The following FN1 variants were observed in gnomAD, a reference collection of about 807,000 sequenced individuals.
The protein encoded by FN1 is fibronectin.
A neutral mutation model predicts 297.3 loss-of-function variants in FN1; 106 were observed. The observed-to-expected ratio is 0.36, with a 90% CI of 0.30 to 0.42. The LOEUF is 0.42. Among genes scored for constraint, FN1 ranks in the 10% least tolerant of loss-of-function variants. The pLI is 1.00. For synonymous variants in FN1, 1,149 were observed against 1,152.6 expected (o/e 1.00, Z 0.06); for missense variants, 2,690 against 3,124.9 (o/e 0.86, Z 3.32).
At chr2:215,430,908 G>A in intron 4 of FN1, 56 bp from the exon 5 acceptor site, 2 of 1,589,962 alleles carry the variant, frequency 1.3e-6, no homozygotes, top group Non-Finnish European at 8.6e-7. Context: ...AATTGTGCAA[G>A]CTCCCTGTAA....
intron 31 of FN1, among the ~76,000 whole-genome samples, chr2:215,383,020 T>G (rs1272544352): frequency 1.3e-5 from 2 of 151,326 alleles, no homozygotes; most frequent in African/African-American, 2.4e-5. Context: ...TTTTTTTCCC[T>G]GAGATGGAGT....
At position 215,409,930 on chromosome 2, in the gene FN1, A is replaced by G. The variant is rs761852573; in HGVS notation, c.2122+4T>C. 6 of 1,613,762 alleles carry G rather than the reference A, an allele frequency of 3.7e-6. No homozygotes were observed. In the Middle Eastern group the frequency reaches 6.9e-4, roughly 184 times the overall value. The stretch of plus-strand genomic sequence containing the variant: ...AGGAGGCATGAGGGTGGTTGTGTAC[A>G]TACTGGTCACAGGTGTGCTGGTGCT... On this transcript the variant is annotated splice_donor_region_variant and intron_variant, in intron 14 of 45. Transcript: ENST00000354785.
At position 215,386,568 on chromosome 2, in the gene FN1, A is replaced by ATT. The variant is rs5838504; in HGVS notation, c.4612+119_4612+120dup. On this transcript the variant is annotated intron_variant, in intron 28 of 45. Transcript: ENST00000354785. ...TCTCCATGTACCATGACAATGATCT[A>ATT]TTTTTTTTTTTTTTTTTTTTTTTTT... 726 of 337,262 alleles carry ATT rather than the reference A, an allele frequency of 2.2e-3. 44 individuals carry two copies. The African/African-American group carries it at 0.027, about 12-fold the overall frequency. 20.9% of individuals were successfully genotyped at this position (337,262 alleles called of 1,614,324 possible).
Position 215,407,150 on chromosome 2 carries a change from T to G in FN1, c.2690A>C (p.Glu897Ala), listed in dbSNP as rs911329392. 6.2e-7 allele frequency: 1 copy of G among 1,614,146 alleles called. No homozygotes were observed. Among genetic ancestry groups the G allele is most frequent in the Middle Eastern group, 1.7e-4 (1 of 6,054 alleles). ...QESTPVVIQQETTGTPRSDTV... is the reference protein window; with the variant it reads ...QESTPVVIQQATTGTPRSDTV... ...ACCTGAGCGTGGGGTGCCAGTGGTTTCTTGTTGAATGACAACAGGTGTACT... is the reference window on the plus strand; with the variant it reads ...ACCTGAGCGTGGGGTGCCAGTGGTTGCTTGTTGAATGACAACAGGTGTACT... Residue 897 changes from glutamate to alanine, a missense_variant, in exon 18 of 46, where the codon GAA becomes GCA. Physicochemically the swap from Glu to Ala is moderately radical, Grantham distance 107 (BLOSUM62 -1). Coordinates refer to ENST00000354785, the MANE Select transcript of FN1 (RefSeq NM_212482.4).
In FN1 at chr2:215,373,903, C is replaced by T. The variant is rs562172979; in HGVS notation, c.6158-492G>A. On this transcript the variant is annotated intron_variant, in intron 38 of 45. Transcript: ENST00000354785. ...TTCACCGTGTTAGCCAGGATGGTCT[C>T]GATCTCCTGACCTTGTGATCTGCCT... 1.4e-4 allele frequency among the ~76,000 whole-genome samples: 22 copies of T among 152,154 alleles called. No individual in the cohort carries two copies. In the South Asian group the frequency reaches 1.5e-3, roughly 10 times the overall value.
intron 39 of FN1, 25 bp from the exon 40 acceptor site, chr2:215,372,400 A>G: frequency 6.4e-7 from 1 of 1,571,694 alleles, no homozygotes; most frequent in East Asian, 2.2e-5. Context: ...TTAGAGCCAA[A>G]AAAGCAAAGC....
chr2:215,385,778 C>CCTTTT (rs1396754880), intron 28 of FN1, among the ~76,000 whole-genome samples: 1 of 120,406 alleles, frequency 8.3e-6, no homozygotes. Context: ...AGTTTTCCAC[C>CCTTTT]TTTTTTTTTT....
intron 20 of FN1, among the ~76,000 whole-genome samples, chr2:215,403,907 T>C (rs2061438797): frequency 6.6e-6 from 1 of 152,236 alleles, no homozygotes; most frequent in Non-Finnish European, 1.5e-5. Context: ...ATTCTGCATT[T>C]ATAGTTACTA....
intron 19 of FN1, among the ~76,000 whole-genome samples, chr2:215,405,730 G>A (rs1230612281): frequency 5.9e-5 from 9 of 151,954 alleles, no homozygotes; most frequent in African/African-American, 1.2e-4. Flanking sequence ...GCGACAGAGC[G>A]AGACTCCATC....
At position 215,435,954 on chromosome 2, in the gene FN1, G is replaced by A. The variant is rs1363439106; in HGVS notation, c.-152C>T. ...GGGCCAGAGGGTGGGGAAGGGGACG[G>A]GTGGAGGGACAGAAGGGATGCAGAG... On this transcript the variant is annotated 5_prime_UTR_variant, in exon 1 of 46. Transcript: ENST00000354785. The A allele has an allele frequency of 7.0e-7, 1 of 1,427,556 alleles. No homozygotes were observed. The highest frequency in any genetic ancestry group is 9.2e-7 in the Non-Finnish European group (1 of 1,089,348). The allele number at this position is 1,427,556 out of a possible 1,614,324, so 88.4% of individuals were successfully genotyped here.
At position 215,384,146 on chromosome 2, in the gene FN1, T is replaced by C. The variant is rs754232479; in HGVS notation, c.4768A>G (p.Ser1590Gly). 6.2e-7 allele frequency: 1 copy of C among 1,614,136 alleles called. No homozygotes were observed. The highest frequency in any genetic ancestry group is 2.2e-5 in the East Asian group (1 of 44,876). The change falls in exon 30 of 46, where the codon AGC becomes GGC. Residue 1590 changes from serine to glycine, a missense_variant. Physicochemically the swap from Ser to Gly is moderately conservative, Grantham distance 56. Transcript: ENST00000354785. Reference protein sequence around the residue: ...SPVQEFTVPGSKSTATISGLK... With the variant: ...SPVQEFTVPGGKSTATISGLK... The stretch of plus-strand genomic sequence containing the variant: ...CCGCTGATGGTAGCTGTAGACTTGC[T>C]CCCAGGCACAGTGAACTCCTGGACA...
rs535573775 is a variant in FN1, at chr2:215,415,585, T to A, written c.1820-627A>T. Among the ~76,000 whole-genome samples, 6 of 152,294 alleles carry A rather than the reference T, an allele frequency of 3.9e-5. No homozygotes were observed. In the East Asian group the frequency reaches 1.2e-3, roughly 29 times the overall value. On this transcript the variant is annotated intron_variant, in intron 12 of 45. Coordinates refer to ENST00000354785, the MANE Select transcript of FN1 (RefSeq NM_212482.4). ...TTTTATTTTTATTCAAGAAGTTTAC[T>A]CCCAAATCACACCATTGATCCATCA...
chr2:215,395,046 T>C (rs748353150), intron 23 of FN1, among the ~76,000 whole-genome samples: 1 of 152,146 alleles, frequency 6.6e-6, no homozygotes, highest in Non-Finnish European at 1.5e-5. Context: ...CCCCAAAGCT[T>C]TCTTTGTTTC....
Position 215,375,386 on chromosome 2 carries a change from A to C in FN1, c.5985T>G (p.Asp1995Glu). ...PVVIDASTAI[D>E]APSNLRFLAT... The stretch of plus-strand genomic sequence containing the variant: ...CCAGGAAACGCAGGTTGGATGGTGC[A>C]TCAATGGCTGAAAGAAAACAAAATT... Residue 1995 changes from aspartate (D) to glutamate (E), a missense_variant, in exon 38 of 46, where the codon GAT becomes GAG. Physicochemically the swap from Asp to Glu is conservative, Grantham distance 45. Transcript: ENST00000354785. 6.2e-7 allele frequency: 1 copy of C among 1,607,116 alleles called. No individual in the cohort carries two copies. The highest frequency in any genetic ancestry group is 8.5e-7 in the Non-Finnish European group (1 of 1,178,476).
At chr2:215,392,764 C>T (rs1028584762) in intron 25 of FN1, 167 bp downstream of exon 25, 2 of 709,936 alleles carry the variant, frequency 2.8e-6, no homozygotes, top group South Asian at 3.3e-5. Context: ...TGTTTTTCTC[C>T]AATCAGTTTA....
chr2:215,366,737 G>C (rs1272090541), intron 42 of FN1, among the ~76,000 whole-genome samples: 1 of 152,188 alleles, frequency 6.6e-6, no homozygotes, highest in Admixed American at 6.5e-5. Context: ...GATTATGTAA[G>C]TTGAGCCAAA....
chr2:215,365,816 T>A (rs987331133), intron 42 of FN1, 186 bp from the exon 43 acceptor site: 94 of 288,680 alleles, frequency 3.3e-4, no homozygotes, highest in South Asian at 8.1e-4. Flanking sequence ...ATTTTTTTTT[T>A]TTTTTTTGAG....
At chr2:215,388,663 C>T (rs2059331803) in intron 26 of FN1, among the ~76,000 whole-genome samples, 1 of 152,166 alleles carries the variant, frequency 6.6e-6, no homozygotes, top group Non-Finnish European at 1.5e-5. Flanking sequence ...CTGTGGATTG[C>T]CATTTATGCC....
rs184116107 is a variant in FN1 at position 215,386,189 on chromosome 2, G to A, written c.4612+500C>T. Among the ~76,000 whole-genome samples, 5 of 145,378 alleles carry A rather than the reference G, an allele frequency of 3.4e-5. No individual in the cohort carries two copies. In the East Asian group the frequency reaches 1.1e-3, roughly 31 times the overall value. On this transcript the variant is annotated intron_variant, in intron 28 of 45. Coordinates refer to ENST00000354785, the MANE Select transcript of FN1 (RefSeq NM_212482.4). ...GCCTCCCAGGTTCAAAGATTCTCCTGCCTCAGCCTCCCCAGTAGCTGGGAT... is the reference window on the plus strand; with the variant it reads ...GCCTCCCAGGTTCAAAGATTCTCCTACCTCAGCCTCCCCAGTAGCTGGGAT...
Sources: gnomAD v4.1 joint callset for allele counts (sites outside exome capture counted in the v4.1 genomes callset) on GRCh38, gnomAD v4.1.1 for gene constraint, MANE v1.5 for transcripts, NCBI Gene and HGNC (gene_info 2026-07-23, HGNC 2026-07-21) for gene names.